SAMD11: variants seen among roughly 807,000 people sequenced by gnomAD.
SAMD11 encodes the protein sterile alpha motif domain containing 11.
Under a neutral mutation model 64.4 loss-of-function variants are expected in SAMD11, and 77 were observed. The observed-to-expected ratio is 1.20, with a 90% confidence interval of 0.99 to 1.44. The LOEUF is 1.44. SAMD11 is among the 40% of genes most tolerant of loss of function. The probability of loss-of-function intolerance (pLI) is 0.00; values close to 1 mark genes in which losing one functional copy is unlikely to be tolerated. For missense variants in SAMD11, 1,402 were observed against 943.3 expected (o/e 1.49, Z -6.37); for synonymous variants, 658 against 421.9 (o/e 1.56, Z -6.86).
chr1:935,529 C>T (rs1569887939), intron 4 of SAMD11, among the ~76,000 whole-genome samples: 1 of 152,330 alleles, frequency 6.6e-6, no homozygotes, highest in East Asian at 1.9e-4. Flanking sequence ...CACATAGACC[C>T]TCCCTGGAGC....
rs1417509140 is a variant in SAMD11 at position 942,884 on chromosome 1, G to A, written c.1879G>A (p.Glu627Lys). 8.4e-6 allele frequency: 13 copies of A among 1,555,006 alleles called. No individual in the cohort carries two copies. The highest frequency in any genetic ancestry group is 1.2e-5 in the South Asian group (1 of 84,450). Residue 627 changes from glutamate (E) to lysine (K), a missense_variant, in exon 11 of 14, where the codon GAG becomes AAG. Coordinates refer to ENST00000616016, the MANE Select transcript of SAMD11 (RefSeq NM_001385641.1). ...RLWAQDGSEDEPPKDSDGEDP... is the reference protein window; with the variant it reads ...RLWAQDGSEDKPPKDSDGEDP... ...CTGGGCACAAGATGGCTCGGAAGAC[G>A]AGCCCCCCAAAGACTCGGACGGAGA...
chr1:928,200 T>C lies in SAMD11; in HGVS notation c.610-1955T>C, dbSNP rs560196330. Among the ~76,000 whole-genome samples the C allele has an allele frequency of 4.7e-4, 71 of 151,148 alleles. No individual in the cohort carries two copies. In the Middle Eastern group the frequency reaches 0.01, roughly 22 times the overall value. On this transcript the variant is annotated intron_variant, in intron 2 of 13. Transcript: ENST00000616016. ...CGAGGTCAGGAGATCGAGACCATCC[T>C]GACTAACACGGTGAAACCCGTCTCT...
At position 942,839 on chromosome 1, in the gene SAMD11, G is replaced by A; in HGVS notation, c.1834G>A (p.Glu612Lys). The A allele has an allele frequency of 1.3e-6, 2 of 1,551,366 alleles. No homozygotes were observed. Among genetic ancestry groups the A allele is most frequent in the Non-Finnish European group, 8.7e-7 (1 of 1,147,558 alleles). ...CTCAGCGCGGCCCAGCGAGTCCAAG[G>A]AGATGACGGGGGCTAGGCTCTGGGC... ...PASARPSESK[E>K]MTGARLWAQD... The change falls in exon 11 of 14, where the codon GAG becomes AAG. Residue 612 changes from glutamate (E) to lysine (K), a missense_variant. Coordinates refer to ENST00000616016, the MANE Select transcript of SAMD11 (RefSeq NM_001385641.1).
In SAMD11 at chr1:943,304, A is replaced by G. The variant is rs758278177; in HGVS notation, c.2105A>G (p.Asp702Gly). 3.1e-6 allele frequency: 5 copies of G among 1,612,378 alleles called. No homozygotes were observed. Among genetic ancestry groups the G allele is most frequent in the Non-Finnish European group, 4.2e-6 (5 of 1,179,618 alleles). The change falls in exon 12 of 14, where the codon GAC becomes GGC. Residue 702 changes from aspartate to glycine, a missense_variant. Asp to Gly is a moderately conservative substitution (Grantham distance 94). Coordinates refer to ENST00000616016, the MANE Select transcript of SAMD11 (RefSeq NM_001385641.1). Reference sequence around the variant, plus strand: ...GGGGAGGAGGCCCCAGCCCCTGAGGACGTCACCAAGTGGACCGTGGATGAC... The same window carrying G: ...GGGGAGGAGGCCCCAGCCCCTGAGGGCGTCACCAAGTGGACCGTGGATGAC... The part of the protein sequence containing the change: ...MDGEEAPAPE[D>G]VTKWTVDDVC...
rs778164790 is a variant in SAMD11 at position 931,064 on chromosome 1, A to G, written c.817A>G (p.Ile273Val). Residue 273 changes from isoleucine to valine, a missense_variant, in exon 4 of 14, where the codon ATC (isoleucine) becomes GTC (valine). Transcript: ENST00000616016. ...RRVHTHWDVN[I>V]SFREASCSQD... ...AGTCCACACCCACTGGGACGTGAAC[A>G]TCTCTTTCCGAGAGGCGTCCTGCAG... The G allele has an allele frequency of 2.5e-6, 4 of 1,612,658 alleles. No individual in the cohort carries two copies. The highest frequency in any genetic ancestry group is 2.2e-5 in the East Asian group (1 of 44,856).
chr1:943,660 G>A (rs1641964773), intron 12 of SAMD11, 38 bp from the exon 13 acceptor site: 8 of 1,493,068 alleles, frequency 5.4e-6, no homozygotes, highest in South Asian at 1.4e-5. Flanking sequence ...GGATGGAGCA[G>A]CACCCGGGTC....
intron 11 of SAMD11, 97 bp from the exon 12 acceptor site, chr1:943,156 C>T (rs887794895): frequency 2.5e-6 from 4 of 1,589,942 alleles, no homozygotes; most frequent in Non-Finnish European, 3.4e-6. Flanking sequence ...CCTTAGGCAC[C>T]CATCCCCCAC....
intron 4 of SAMD11, among the ~76,000 whole-genome samples, chr1:934,016 C>T (rs536227409): frequency 5.3e-5 from 7 of 132,318 alleles, no homozygotes; most frequent in African/African-American, 2.0e-4. Context: ...GCAGGGGAGG[C>T]GGCTGCGTTA....
Position 942,654 on chromosome 1 carries a change from G to A in SAMD11, c.1649G>A (p.Gly550Asp). The A allele has an allele frequency of 7.0e-7, 1 of 1,435,336 alleles. No individual in the cohort carries two copies. Among genetic ancestry groups the A allele is most frequent in the Non-Finnish European group, 9.1e-7 (1 of 1,101,380 alleles). 88.9% of individuals were successfully genotyped at this position (1,435,336 alleles called of 1,614,324 possible). A position where few individuals can be genotyped will look rare whatever the true frequency, so the allele number is the denominator to read the frequency against. Residue 550 changes from glycine (G) to aspartate (D), a missense_variant, in exon 11 of 14, where the codon GGC (glycine) becomes GAC (aspartate). Transcript: ENST00000616016. Reference protein sequence around the residue: ...APETALRPNDGAEELQRRGAL... With the variant: ...APETALRPNDDAEELQRRGAL... ...GAGACCGCCCTGCGCCCCAACGACG[G>A]CGCCGAGGAGCTGCAGCGGCGCGGG...
At chr1:930,102 T>G in intron 2 of SAMD11, 53 bp from the exon 3 acceptor site, 1 of 1,506,652 alleles carries the variant, frequency 6.6e-7, no homozygotes, top group South Asian at 1.3e-5. Context: ...CCTCTCCTCC[T>G]GCCCCACCTT....
chr1:935,827 G>C lies in SAMD11; in HGVS notation c.898G>C (p.Val300Leu). Residue 300 changes from valine to leucine, a missense_variant, in exon 5 of 14, where the codon GTT becomes CTT. Val to Leu is a conservative substitution (Grantham distance 32, BLOSUM62 1). Coordinates refer to ENST00000616016, the MANE Select transcript of SAMD11 (RefSeq NM_001385641.1). ...ISSVHRSRHL[V>L]MPEHQSRCEF... is the part of the protein sequence containing the mutation. The stretch of plus-strand genomic sequence containing the variant: ...CAGCGTCCACCGCAGCCGCCACCTC[G>C]TTATGCCCGAGCATCAGAGCCGCTG... 1 of 1,613,452 alleles carries C rather than the reference G, an allele frequency of 6.2e-7. No homozygotes were observed. The highest frequency in any genetic ancestry group is 8.5e-7 in the Non-Finnish European group (1 of 1,179,890).
intron 8 of SAMD11, 70 bp from the exon 9 acceptor site, chr1:942,066 G>A (rs1641806029): frequency 4.2e-6 from 2 of 476,710 alleles, no homozygotes; most frequent in Non-Finnish European, 7.3e-6. Context: ...GAGGCGGCGG[G>A]GGAGGGGCGC....
At chr1:939,583 C>G in intron 7 of SAMD11, 171 bp downstream of exon 7, 1 of 1,261,324 alleles carries the variant, frequency 7.9e-7, no homozygotes, top group Non-Finnish European at 1.1e-6. Flanking sequence ...CTCTGCCACA[C>G]GTCCTGCCCC....
intron 1 of SAMD11, 111 bp downstream of exon 1, chr1:925,059 A>C (rs1471101607): frequency 1.8e-4 from 27 of 151,756 alleles, no homozygotes; most frequent in Admixed American, 1.8e-3. Context: ...CTGCAGCTCC[A>C]GGGCTGCGCG....
intron 4 of SAMD11, among the ~76,000 whole-genome samples, chr1:933,311 G>A (rs1641256341): frequency 6.6e-6 from 1 of 152,226 alleles, no homozygotes; most frequent in Non-Finnish European, 1.5e-5. Context: ...GCCGGGCCAG[G>A]CCAGGCTGTG....
intron 7 of SAMD11, among the ~76,000 whole-genome samples, chr1:939,732 C>G (rs1054860346): frequency 6.6e-6 from 1 of 152,176 alleles, no homozygotes; most frequent in African/African-American, 2.4e-5. Flanking sequence ...CAGCACCCCC[C>G]GAGGAGAGCA....
chr1:931,148 C>T lies in SAMD11; in HGVS notation c.842+59C>T, dbSNP rs184422231. ...CCGTGACTCCCCTCCCTCCCTCCCA[C>T]CCCTGACCGTGCCCTGCTGTCTGCT... On this transcript the variant is annotated intron_variant, in intron 4 of 13. Transcript: ENST00000616016. 1.2e-3 allele frequency: 1,863 copies of T among 1,505,400 alleles called. 12 individuals are homozygous for T. Among genetic ancestry groups the T allele is most frequent in the Middle Eastern group, 7.8e-3 (34 of 4,332 alleles). 93.3% of individuals were successfully genotyped at this position (1,505,400 alleles called of 1,614,324 possible).
At chr1:925,698 G>C (rs1345316637) in intron 1 of SAMD11, 3 of 483,236 alleles carry the variant, frequency 6.2e-6, no homozygotes, top group Non-Finnish European at 1.1e-5. Flanking sequence ...CAGGCCCTTC[G>C]TCGGGGGAGG....
At position 939,283 on chromosome 1, in the gene SAMD11, C is replaced by T; in HGVS notation, c.1066C>T (p.Leu356=). 1 of 1,603,500 alleles carries T rather than the reference C, an allele frequency of 6.2e-7. No homozygotes were observed. Residue 356 remains leucine (L), a synonymous_variant, in exon 7 of 14, where the codon CTG becomes TTG. Transcript: ENST00000616016. The stretch of plus-strand genomic sequence containing the variant: ...CGGGTCCTCCCCAGCAGAGGCGCTG[C>T]TGCTGCCGCGGGAGCTGGGGCCCAG... ...ARSESPQEAL[L]LPRELGPSMA... is the part of the protein sequence containing the mutation.
Sources: allele counts gnomAD v4.1 joint callset (sites outside exome capture counted in the v4.1 genomes callset), GRCh38; gene constraint gnomAD v4.1.1; transcripts MANE v1.5; gene names NCBI Gene and HGNC (gene_info 2026-07-23, HGNC 2026-07-21).